CCDC77: variants seen among roughly 807,000 people sequenced by gnomAD.
CCDC77 encodes coiled-coil domain containing 77, also known as coiled-coil domain-containing protein 77.
A neutral mutation model predicts 66.8 loss-of-function variants in CCDC77; 56 were observed. The observed-to-expected ratio is 0.84, with a 90% CI of 0.68 to 1.05. CCDC77 has a LOEUF of 1.05. Among genes scored for constraint, CCDC77 ranks in the 50% least tolerant of loss-of-function variants. CCDC77 has a pLI of 0.00. For missense variants in CCDC77, 570 were observed against 576.8 expected, an observed-to-expected ratio of 0.99 and a Z score of 0.12; for synonymous variants, 196 against 195.2, an observed-to-expected ratio of 1.00 and a Z score of -0.03.
chr12:427,304 T>C (rs745912646), intron 5 of CCDC77, among the ~76,000 whole-genome samples: 3 of 151,902 alleles, frequency 2.0e-5, no homozygotes, highest in Non-Finnish European at 4.4e-5. Context: ...GTGATTTTGT[T>C]TGGGGTGCAG....
rs1024596625 is a variant in CCDC77 at position 415,483 on chromosome 12, TATTATTAACATA to T, written c.271-2996_271-2985del. The stretch of plus-strand genomic sequence containing the variant: ...AATTATTAACATAATAATATGTTGA[TATTATTAACATA>T]ATTATTAACATAATATGTTAATATT... On this transcript the variant is annotated intron_variant, in intron 4 of 12. Coordinates refer to ENST00000239830, the MANE Select transcript of CCDC77 (RefSeq NM_032358.4). Among the ~76,000 whole-genome samples, 4 of 147,974 alleles carry T rather than the reference TATTATTAACATA, an allele frequency of 2.7e-5. No homozygotes were observed. In the South Asian group the frequency reaches 6.4e-4, roughly 24 times the overall value.
intron 5 of CCDC77, 141 bp from the exon 6 acceptor site, chr12:428,628 C>A: frequency 5.1e-6 from 2 of 395,076 alleles, no homozygotes; most frequent in Non-Finnish European, 4.6e-6. Flanking sequence ...ACAAACTATT[C>A]AATTTTAATT....
At chr12:436,349 G>A (rs774986440) in intron 9 of CCDC77, among the ~76,000 whole-genome samples, 23 of 151,358 alleles carry the variant, frequency 1.5e-4, no homozygotes, top group African/African-American at 2.4e-4. Context: ...GGATGGTCTC[G>A]ATCTGACCTC....
rs1309603806 is a variant in CCDC77, at chr12:416,357, G to GTATATATATATATA, written c.271-2136_271-2135insATATATATATATAT. Among the ~76,000 whole-genome samples, 24 of 39,822 alleles carry GTATATATATATATA rather than the reference G, an allele frequency of 6.0e-4. 1 individual carries two copies. Among genetic ancestry groups the GTATATATATATATA allele is most frequent in the East Asian group, 3.7e-3 (2 of 540 alleles). The allele number at this position is 39,822 out of a possible 152,430, so 26.1% of individuals were successfully genotyped here. On this transcript the variant is annotated intron_variant, in intron 4 of 12. Coordinates refer to ENST00000239830, the MANE Select transcript of CCDC77 (RefSeq NM_032358.4). ...TGGGTGTGTGGGGGTGTGTGTGTGT[G>GTATATATATATATA]TGTGTGTGTGTGTGTGTGTGTATAT... is the stretch of plus-strand genomic sequence containing the variant.
rs58561726 is a variant in CCDC77, at chr12:423,493, TG to T, written c.413+4858del. ...GTGTTTTTTGTGTTTTTTTTTGTTT[TG>T]TTTTTTTTTTTTTTTTTTTGAGACA... On this transcript the variant is annotated intron_variant, in intron 5 of 12. Transcript: ENST00000239830. Among the ~76,000 whole-genome samples the T allele has an allele frequency of 7.4e-3, 255 of 34,318 alleles. 27 individuals carry two copies. Among genetic ancestry groups the T allele is most frequent in the East Asian group, 0.029 (38 of 1,292 alleles). The allele number at this position is 34,318 out of a possible 152,430, so 22.5% of individuals were successfully genotyped here.
At chr12:415,151 G>A (rs1218628972) in intron 4 of CCDC77, among the ~76,000 whole-genome samples, 1 of 151,768 alleles carries the variant, frequency 6.6e-6, no homozygotes, top group Non-Finnish European at 1.5e-5. Flanking sequence ...GAGCCACCGT[G>A]CCCAGCCTAA....
chr12:440,856 A>G lies in CCDC77; in HGVS notation c.1180A>G (p.Lys394Glu). 6.2e-7 allele frequency: 1 copy of G among 1,613,638 alleles called. No homozygotes were observed. The highest frequency in any genetic ancestry group is 8.5e-7 in the Non-Finnish European group (1 of 1,180,028). ...RREIFKDRTN[K>E]MGKRLQIMTK... ...TCCCCATATTTAGGATCGCACTAAC[A>G]AGATGGGGAAGCGTTTACAGATAAT... The change falls in exon 12 of 13, where the codon AAG (lysine) becomes GAG (glutamate). Residue 394 changes from lysine to glutamate, a missense_variant. Transcript: ENST00000239830.
intron 10 of CCDC77, among the ~76,000 whole-genome samples, chr12:440,202 T>C (rs545367943): frequency 1.3e-5 from 2 of 152,352 alleles, no homozygotes; most frequent in South Asian, 2.1e-4. Flanking sequence ...GTGAAATAAG[T>C]AACATGATCT....
chr12:418,622 C>T lies in CCDC77; in HGVS notation c.399C>T (p.Asp133=), dbSNP rs764697744. ...EHVLRLYSEN[D]RLRIRELEDK... ...TTTTACGCCTCTACTCAGAAAATGA[C>T]CGACTGAGAATCAGGTACCAAATAG... is the stretch of plus-strand genomic sequence containing the variant. Residue 133 remains aspartate (D), a synonymous_variant, in exon 5 of 13, where the codon GAC becomes GAT. Transcript: ENST00000239830. 1.2e-6 allele frequency: 2 copies of T among 1,613,724 alleles called. No individual in the cohort carries two copies. The highest frequency in any genetic ancestry group is 2.7e-5 in the African/African-American group (2 of 74,924).
intron 2 of CCDC77, among the ~76,000 whole-genome samples, chr12:408,527 T>A (rs933316283): frequency 2.6e-5 from 4 of 152,188 alleles, no homozygotes; most frequent in Admixed American, 1.3e-4. Flanking sequence ...ATTTACTACT[T>A]CTGCTTTTGG....
intron 5 of CCDC77, among the ~76,000 whole-genome samples, chr12:423,473 T>G (rs1224795378): frequency 1.1e-4 from 4 of 36,368 alleles, no homozygotes; most frequent in Non-Finnish European, 1.7e-4. Context: ...TTTTTGTGTT[T>G]TTTGTGTTTT....
chr12:441,947 T>G lies in CCDC77; in HGVS notation c.*27T>G. The G allele has an allele frequency of 6.2e-7, 1 of 1,612,844 alleles. No homozygotes were observed. Among genetic ancestry groups the G allele is most frequent in the Non-Finnish European group, 8.5e-7 (1 of 1,179,254 alleles). On this transcript the variant is annotated 3_prime_UTR_variant, in exon 13 of 13. Coordinates refer to ENST00000239830, the MANE Select transcript of CCDC77 (RefSeq NM_032358.4). ...GTCTACTTTTGGAAATGGCCCCCAT[T>G]TAGAAGAGGTGTGCTTCTTGAAACC... is the stretch of plus-strand genomic sequence containing the variant.
intron 9 of CCDC77, among the ~76,000 whole-genome samples, chr12:435,337 C>T (rs1225299641): frequency 6.6e-6 from 1 of 152,100 alleles, no homozygotes; most frequent in South Asian, 2.1e-4. Flanking sequence ...ATGCTCCCAT[C>T]CCCGTCTCAA....
intron 5 of CCDC77, chr12:418,842 G>A (rs1945336591): frequency 1.8e-6 from 1 of 551,944 alleles, no homozygotes; most frequent in Non-Finnish European, 3.2e-6. Context: ...GGGAACACAG[G>A]TGTGCACTAC....
At chr12:413,429 C>T (rs1174067254) in intron 4 of CCDC77, among the ~76,000 whole-genome samples, 4 of 150,850 alleles carry the variant, frequency 2.7e-5, no homozygotes, top group African/African-American at 7.3e-5. Context: ...TTAGTAGAGA[C>T]AGGGTTTCAC....
At chr12:415,504 CAT>C (rs1205584558) in intron 4 of CCDC77, among the ~76,000 whole-genome samples, 6 of 145,110 alleles carry the variant, frequency 4.1e-5, no homozygotes, top group African/African-American at 1.3e-4. Context: ...TAATTATTAA[CAT>C]AATATGTTAA....
chr12:408,679 T>C (rs1369309173), intron 2 of CCDC77, among the ~76,000 whole-genome samples: 1 of 152,148 alleles, frequency 6.6e-6, no homozygotes, highest in African/African-American at 2.4e-5. Flanking sequence ...ATGTACTGTT[T>C]CTTGCTTATT....
At chr12:419,034 A>G (rs896023188) in intron 5 of CCDC77, among the ~76,000 whole-genome samples, 3 of 152,190 alleles carry the variant, frequency 2.0e-5, no homozygotes, top group Admixed American at 2.0e-4. Context: ...ATTTCTCCAC[A>G]TTAATTCTCT....
chr12:404,606 C>T (rs931241759), intron 1 of CCDC77, among the ~76,000 whole-genome samples: 2 of 152,042 alleles, frequency 1.3e-5, no homozygotes, highest in African/African-American at 2.4e-5. Context: ...CGTCTTGCAG[C>T]CAGAGAGGTG....
Sources: gnomAD v4.1 joint callset for allele counts (sites outside exome capture counted in the v4.1 genomes callset) on GRCh38, gnomAD v4.1.1 for gene constraint, MANE v1.5 for transcripts, NCBI Gene and HGNC (gene_info 2026-07-23, HGNC 2026-07-21) for gene names.